CEP128: variants seen among roughly 807,000 people sequenced by gnomAD.
CEP128 encodes the protein centrosomal protein 128, also known as centrosomal protein 128kDa.
Under a neutral mutation model 156.7 loss-of-function variants are expected in CEP128, and 132 were observed. That is an observed-to-expected ratio of 0.84 (90% CI 0.73 to 0.97). The LOEUF is 0.97. Among genes scored for constraint, CEP128 ranks in the 50% least tolerant of loss-of-function variants. CEP128 has a pLI of 0.00. For missense variants in CEP128, 1,252 were observed against 1,281.9 expected (o/e 0.98, Z 0.36); for synonymous variants, 469 against 448.9 (o/e 1.04, Z -0.57).
chr14:80,862,907 A>T, intron 8 of CEP128, 34 bp from the exon 9 acceptor site: 5 of 1,453,356 alleles, frequency 3.4e-6, no homozygotes, highest in Non-Finnish European at 3.9e-6. Flanking sequence ...GCAGCATTAT[A>T]GAGCTAGCAA....
chr14:80,547,760 TC>T (rs1759764035), intron 21 of CEP128, among the ~76,000 whole-genome samples: 1 of 152,058 alleles, frequency 6.6e-6, no homozygotes, highest in South Asian at 2.1e-4. Flanking sequence ...GATTTTTAAT[TC>T]CTCCTATATT....
At chr14:80,865,532 C>T (rs1887726135) in intron 8 of CEP128, among the ~76,000 whole-genome samples, 1 of 152,116 alleles carries the variant, frequency 6.6e-6, no homozygotes, top group East Asian at 1.9e-4. Context: ...TGACATAGGT[C>T]CCAATGATCC....
At chr14:80,799,208 A>G (rs969303213) in intron 13 of CEP128, among the ~76,000 whole-genome samples, 11 of 152,218 alleles carry the variant, frequency 7.2e-5, no homozygotes, top group Admixed American at 6.5e-4. Flanking sequence ...CCCCAAACGG[A>G]GGGACTGGCT....
At chr14:80,558,284 GTTGGTTTTCCTTTACTTT>G (rs1390499070) in intron 21 of CEP128, among the ~76,000 whole-genome samples, 1 of 151,644 alleles carries the variant, frequency 6.6e-6, no homozygotes, top group Non-Finnish European at 1.5e-5. Context: ...TTGACAGTAA[GTTGGTTTTCCTTTACTTT>G]TTTTTTTTGA....
intron 19 of CEP128, among the ~76,000 whole-genome samples, chr14:80,725,293 G>A (rs1243716021): frequency 2.0e-5 from 3 of 150,094 alleles, no homozygotes; most frequent in East Asian, 2.0e-4. Flanking sequence ...AGTGATTCTC[G>A]TGCCTCAGCC....
chr14:80,639,528 A>G (rs1894324779), intron 19 of CEP128, among the ~76,000 whole-genome samples: 1 of 152,200 alleles, frequency 6.6e-6, no homozygotes. Context: ...ACAATAAAGT[A>G]TTCTATGACC....
chr14:80,481,574 AT>A (rs1182595258), intron 14 of CEP128, among the ~76,000 whole-genome samples: 1 of 152,232 alleles, frequency 6.6e-6, no homozygotes, highest in Non-Finnish European at 1.5e-5. Context: ...CCAGTGCAGA[AT>A]GTTATTGTAT....
intron 19 of CEP128, among the ~76,000 whole-genome samples, chr14:80,616,545 TTA>T (rs869086704): frequency 0.028 from 30 of 1,058 alleles, no homozygotes; most frequent in African/African-American, 0.062. Context: ...GATATGTGAA[TTA>T]TTTTTTTAAA....
At chr14:80,860,267 G>A (rs773325284) in intron 9 of CEP128, among the ~76,000 whole-genome samples, 4 of 152,154 alleles carry the variant, frequency 2.6e-5, no homozygotes, top group African/African-American at 4.8e-5. Context: ...TTTTAAAAAC[G>A]TATAGGTCAC....
intron 21 of CEP128, among the ~76,000 whole-genome samples, chr14:80,553,742 T>A (rs1890311794): frequency 6.6e-6 from 1 of 152,206 alleles, no homozygotes; most frequent in Non-Finnish European, 1.5e-5. Context: ...AATTGTTGCT[T>A]GGAGGTAGAA....
chr14:80,575,845 T>G (rs1385421405), intron 20 of CEP128, among the ~76,000 whole-genome samples: 1 of 152,162 alleles, frequency 6.6e-6, no homozygotes, highest in African/African-American at 2.4e-5. Flanking sequence ...TAGTAAAAAT[T>G]ATGTTCATAA....
intron 4 of CEP128, among the ~76,000 whole-genome samples, chr14:80,912,135 T>G (rs1884262294): frequency 6.7e-6 from 1 of 149,530 alleles, no homozygotes; most frequent in South Asian, 2.1e-4. Context: ...GAGAATCGCT[T>G]AAACCTGGGA....
At chr14:80,746,030 G>A (rs1899083151) in intron 18 of CEP128, among the ~76,000 whole-genome samples, 1 of 152,086 alleles carries the variant, frequency 6.6e-6, no homozygotes, top group South Asian at 2.1e-4. Context: ...AGTCTTTAGT[G>A]ATAAACATAA....
chr14:80,926,027 A>T (rs1276209953), intron 2 of CEP128, among the ~76,000 whole-genome samples: 1 of 152,132 alleles, frequency 6.6e-6, no homozygotes, highest in Non-Finnish European at 1.5e-5. Flanking sequence ...CTCACAGGGG[A>T]CCTCACCTGA....
At chr14:80,857,247 T>C (rs1226188846) in intron 9 of CEP128, among the ~76,000 whole-genome samples, 3 of 150,820 alleles carry the variant, frequency 2.0e-5, no homozygotes, top group Non-Finnish European at 4.4e-5. Flanking sequence ...TTTTTTTTGT[T>C]GTGTGTTTAC....
At chr14:80,659,941 C>T (rs1895329001) in intron 19 of CEP128, among the ~76,000 whole-genome samples, 1 of 152,110 alleles carries the variant, frequency 6.6e-6, no homozygotes, top group African/African-American at 2.4e-5. Context: ...AAGTACAACC[C>T]TAGACTTTCC....
chr14:80,525,236 T>A (rs1221415556), intron 23 of CEP128, among the ~76,000 whole-genome samples: 1 of 152,118 alleles, frequency 6.6e-6, no homozygotes, highest in Non-Finnish European at 1.5e-5. Flanking sequence ...CCAGAAAAAA[T>A]TAGGTATATA....
chr14:80,792,823 C>T lies in CEP128; in HGVS notation c.1497G>A (p.Lys499=), dbSNP rs1901782703. 1.9e-6 allele frequency: 3 copies of T among 1,614,094 alleles called. No homozygotes were observed. The highest frequency in any genetic ancestry group is 2.7e-5 in the African/African-American group (2 of 74,930). Residue 499 remains lysine (K), a synonymous_variant, in exon 14 of 25, where the codon AAG becomes AAA. Transcript: ENST00000555265. ...ATTGTTTCTCCAACGCTCGTTCTAA[C>T]TTCTTATGCTTAAGCTTCCACTGCC... ...SIRQWKLKHK[K]LERALEKQSE...
chr14:80,893,096 T>A (rs577761713), intron 8 of CEP128, among the ~76,000 whole-genome samples: 7 of 151,916 alleles, frequency 4.6e-5, no homozygotes, highest in African/African-American at 1.7e-4. Context: ...GATAGACAAA[T>A]GAATAAAGAA....
Sources: gnomAD v4.1 joint callset for allele counts (sites outside exome capture counted in the v4.1 genomes callset) on GRCh38, gnomAD v4.1.1 for gene constraint, MANE v1.5 for transcripts, NCBI Gene and HGNC (gene_info 2026-07-23, HGNC 2026-07-21) for gene names.